The following FHIT variants were observed in gnomAD, a reference collection of about 807,000 sequenced individuals.
FHIT encodes bis(5'-adenosyl)-triphosphatase.
FHIT carries 19 observed loss-of-function variants against 17.9 expected under a neutral mutation model. The ratio of observed to expected loss-of-function variants is 1.06; its 90% CI spans 0.74 to 1.56. The LOEUF (loss-of-function observed/expected upper bound fraction) is 1.56. FHIT is among the 40% of genes most tolerant of loss of function. The pLI, the probability that FHIT is intolerant of heterozygous loss-of-function variation, is 0.00. For missense variants in FHIT, 248 were observed against 189.2 expected, an observed-to-expected ratio of 1.31 and a Z score of -1.82; for synonymous variants, 81 against 69.7, an observed-to-expected ratio of 1.16 and a Z score of -0.81.
chr3:60,790,281 G>T (rs1553728149), intron 4 of FHIT, among the ~76,000 whole-genome samples: 1 of 152,138 alleles, frequency 6.6e-6, no homozygotes. Flanking sequence ...AATCAGTGAA[G>T]GAAGGACAAG....
intron 3 of FHIT, among the ~76,000 whole-genome samples, chr3:61,003,763 T>C (rs1204960146): frequency 1.3e-5 from 2 of 152,268 alleles, no homozygotes; most frequent in Non-Finnish European, 2.9e-5. Flanking sequence ...GATCAGTATA[T>C]CTTACTGAAA....
At chr3:60,208,324 T>C (rs1232553176) in intron 5 of FHIT, among the ~76,000 whole-genome samples, 1 of 152,206 alleles carries the variant, frequency 6.6e-6, no homozygotes, top group Non-Finnish European at 1.5e-5. Context: ...CAAATTTTCT[T>C]GATCCTTTGC....
chr3:60,682,059 C>T (rs1553697053), intron 4 of FHIT, among the ~76,000 whole-genome samples: 1 of 151,724 alleles, frequency 6.6e-6, no homozygotes, highest in Non-Finnish European at 1.5e-5. Context: ...GCAACCTCTG[C>T]CTCCCGGGTT....
intron 5 of FHIT, among the ~76,000 whole-genome samples, chr3:60,117,211 T>A (rs1576135360): frequency 6.6e-6 from 1 of 152,134 alleles, no homozygotes; most frequent in South Asian, 2.1e-4. Context: ...GATTATTTCT[T>A]CCCCGGCCTG....
At chr3:61,123,736 A>G (rs1387947964) in intron 2 of FHIT, among the ~76,000 whole-genome samples, 2 of 152,126 alleles carry the variant, frequency 1.3e-5, no homozygotes, top group African/African-American at 4.8e-5. Flanking sequence ...ATGTTCAGCA[A>G]CTGGGTGGTG....
chr3:61,060,892 A>G (rs1420734895), intron 2 of FHIT, among the ~76,000 whole-genome samples: 1 of 152,196 alleles, frequency 6.6e-6, no homozygotes, highest in African/African-American at 2.4e-5. Flanking sequence ...ATTAAGTCTT[A>G]GGATTGGAGG....
chr3:60,183,447 T>C (rs1702029161), intron 5 of FHIT, among the ~76,000 whole-genome samples: 1 of 152,068 alleles, frequency 6.6e-6, no homozygotes, highest in African/African-American at 2.4e-5. Flanking sequence ...AGTGGTATGA[T>C]GGAGGATTGT....
intron 4 of FHIT, among the ~76,000 whole-genome samples, chr3:60,578,132 A>C (rs1312949523): frequency 6.6e-6 from 1 of 152,094 alleles, no homozygotes; most frequent in Non-Finnish European, 1.5e-5. Flanking sequence ...GGAGAACTAC[A>C]ATCTTTTAAA....
chr3:60,375,024 G>A (rs955393327), intron 5 of FHIT, among the ~76,000 whole-genome samples: 2 of 151,688 alleles, frequency 1.3e-5, no homozygotes, highest in African/African-American at 2.4e-5. Flanking sequence ...GGGTAGCAGT[G>A]GTGTATGATA....
intron 8 of FHIT, among the ~76,000 whole-genome samples, chr3:59,769,565 ATTAC>A (rs1023237557): frequency 2.0e-5 from 3 of 152,180 alleles, no homozygotes; most frequent in African/African-American, 7.2e-5. Context: ...AGTATATATA[ATTAC>A]TTACCGCAAG....
chr3:60,853,551 G>C (rs1182557426), intron 3 of FHIT, among the ~76,000 whole-genome samples: 7 of 152,028 alleles, frequency 4.6e-5, no homozygotes, highest in African/African-American at 1.7e-4. Context: ...TATTTGAAAG[G>C]ACCCAAATAT....
chr3:60,780,946 C>G (rs1284749728), intron 4 of FHIT, among the ~76,000 whole-genome samples: 1 of 152,094 alleles, frequency 6.6e-6, no homozygotes, highest in Non-Finnish European at 1.5e-5. Flanking sequence ...GCTCCCGGTT[C>G]CCCCTTTGTC....
chr3:60,861,798 A>C (rs1703913545), intron 3 of FHIT, among the ~76,000 whole-genome samples: 1 of 152,248 alleles, frequency 6.6e-6, no homozygotes, highest in Middle Eastern at 3.4e-3. Flanking sequence ...CAAAATAAAT[A>C]TAATCCTTTT....
intron 5 of FHIT, among the ~76,000 whole-genome samples, chr3:60,474,974 A>G (rs1337615750): frequency 6.6e-6 from 1 of 152,158 alleles, no homozygotes; most frequent in Non-Finnish European, 1.5e-5. Flanking sequence ...CACAAATACA[A>G]CTGACTGTTA....
At chr3:60,136,885 C>T (rs1699839245) in intron 5 of FHIT, among the ~76,000 whole-genome samples, 1 of 152,098 alleles carries the variant, frequency 6.6e-6, no homozygotes, top group Non-Finnish European at 1.5e-5. Flanking sequence ...AAAAAGGAAG[C>T]TCAAAACTTC....
intron 2 of FHIT, among the ~76,000 whole-genome samples, chr3:61,181,021 C>T (rs2038324387): frequency 6.6e-6 from 1 of 152,086 alleles, no homozygotes; most frequent in Non-Finnish European, 1.5e-5. Context: ...ACAAGGAATT[C>T]AAATGTTTGG....
intron 5 of FHIT, among the ~76,000 whole-genome samples, chr3:60,124,051 G>GAGAGAGAGAGAGAC (rs1559653981): frequency 1.4e-4 from 17 of 118,792 alleles, no homozygotes; most frequent in African/African-American, 5.2e-4. Flanking sequence ...GAGAGAGAGA[G>GAGAGAGAGAGAGAC]AGAGACAGAG....
At chr3:60,929,711 G>C (rs1707845381) in intron 3 of FHIT, among the ~76,000 whole-genome samples, 1 of 152,190 alleles carries the variant, frequency 6.6e-6, no homozygotes, top group East Asian at 1.9e-4. Flanking sequence ...TGAAATAAAA[G>C]ACGATACAAA....
At chr3:60,608,899 A>G (rs782461365) in intron 4 of FHIT, among the ~76,000 whole-genome samples, 14 of 152,178 alleles carry the variant, frequency 9.2e-5, no homozygotes, top group Non-Finnish European at 1.3e-4. Context: ...CATAATAGGT[A>G]ACATGATTTC....
Sources: allele counts gnomAD v4.1 joint callset (sites outside exome capture counted in the v4.1 genomes callset), GRCh38; gene constraint gnomAD v4.1.1; transcripts MANE v1.5; gene names NCBI Gene and HGNC (gene_info 2026-07-23, HGNC 2026-07-21).